The following TMED10 variants were observed in gnomAD, a reference collection of about 807,000 sequenced individuals.
TMED10 encodes the protein transmembrane p24 trafficking protein 10, also known as transmembrane emp24 domain-containing protein 10.
In TMED10, 7 loss-of-function variants were observed where a neutral mutation model predicts 23.1. The ratio of observed to expected loss-of-function variants is 0.30; its 90% CI spans 0.17 to 0.57. The LOEUF (loss-of-function observed/expected upper bound fraction) is 0.57. TMED10 is among the 20% of genes least tolerant of loss of function. The pLI, the probability that TMED10 is intolerant of heterozygous loss-of-function variation, is 0.91. For missense variants in TMED10, 162 were observed against 274.8 expected, an observed-to-expected ratio of 0.59 and a Z score of 2.90; for synonymous variants, 113 against 106.9, an observed-to-expected ratio of 1.06 and a Z score of -0.35.
In TMED10 at chr14:75,147,185, G is replaced by GTTTTTTTTTTTTTTTTTTT. The variant is rs71119349; in HGVS notation, c.411+460_411+478dup. On this transcript the variant is annotated intron_variant, in intron 3 of 4. Coordinates refer to ENST00000303575, the MANE Select transcript of TMED10 (RefSeq NM_006827.6). ...ACAGCCAGAATTATTCTTCAAGGCT[G>GTTTTTTTTTTTTTTTTTTT]TTTTTTTTTTTTTTTTTTTTTGAGA... Among the ~76,000 whole-genome samples the GTTTTTTTTTTTTTTTTTTT allele has an allele frequency of 2.9e-4, 34 of 116,604 alleles. 4 individuals are homozygous for GTTTTTTTTTTTTTTTTTTT. The highest frequency in any genetic ancestry group is 1.2e-3 in the African/African-American group (32 of 26,280). 76.5% of individuals were successfully genotyped at this position (116,604 alleles called of 152,430 possible).
At chr14:75,175,056 A>AG (rs1202170932) in intron 1 of TMED10, among the ~76,000 whole-genome samples, 194 of 151,708 alleles carry the variant, frequency 1.3e-3, no homozygotes, top group African/African-American at 4.4e-3. Context: ...AAAAAAAAAA[A>AG]AAAAAAAAGT....
intron 1 of TMED10, among the ~76,000 whole-genome samples, chr14:75,175,039 C>CAAAAAAAAAAAAAAAAAAAA (rs57423430): frequency 2.3e-5 from 2 of 87,086 alleles, no homozygotes; most frequent in Non-Finnish European, 4.7e-5. Context: ...GACTCCGTCT[C>CAAAAAAAAAAAAAAAAAAAA]AAAAAAAAAA....
intron 1 of TMED10, 104 bp downstream of exon 1, chr14:75,176,251 G>A (rs953739613): frequency 2.1e-5 from 30 of 1,437,484 alleles, no homozygotes; most frequent in Non-Finnish European, 2.8e-5. Flanking sequence ...CGGGAGGCCA[G>A]AACAACTCCC....
intron 1 of TMED10, among the ~76,000 whole-genome samples, chr14:75,159,745 A>G (rs1338085865): frequency 6.6e-6 from 1 of 152,232 alleles, no homozygotes; most frequent in Non-Finnish European, 1.5e-5. Context: ...CTTCAGGAAA[A>G]TCACATCTCC....
At chr14:75,163,998 G>T (rs1046148403) in intron 1 of TMED10, among the ~76,000 whole-genome samples, 21 of 151,988 alleles carry the variant, frequency 1.4e-4, no homozygotes, top group African/African-American at 5.1e-4. Flanking sequence ...TTCAATAGGT[G>T]TTATATTATT....
intron 3 of TMED10, among the ~76,000 whole-genome samples, chr14:75,137,671 T>A (rs1326210268): frequency 7.4e-5 from 10 of 134,402 alleles, no homozygotes; most frequent in Non-Finnish European, 1.1e-4. Context: ...CGAGACTCCA[T>A]CTCAAAAAAA....
At chr14:75,145,693 A>G (rs935241606) in intron 3 of TMED10, among the ~76,000 whole-genome samples, 3 of 152,186 alleles carry the variant, frequency 2.0e-5, no homozygotes, top group African/African-American at 7.2e-5. Flanking sequence ...AGGCTGAGGC[A>G]GGAGAATGGC....
intron 1 of TMED10, among the ~76,000 whole-genome samples, chr14:75,154,156 C>T (rs1895990541): frequency 1.3e-5 from 2 of 148,630 alleles, no homozygotes; most frequent in African/African-American, 4.9e-5. Flanking sequence ...CTTTGGGAGG[C>T]CGAGGCAGGT....
Position 75,152,094 on chromosome 14 carries a change from T to C in TMED10, c.275A>G (p.Lys92Arg). Residue 92 changes from lysine (K) to arginine (R), a missense_variant, in exon 2 of 5, where the codon AAG (lysine) becomes AGG (arginine). Lys to Arg is a conservative substitution (Grantham distance 26). Around this residue, in one of 2 missense-constraint regions of TMED10, gnomAD observed 126 missense variants for 239.5 expected, o/e 0.53. Coordinates refer to ENST00000303575, the MANE Select transcript of TMED10 (RefSeq NM_006827.6). ...TTCAGTGGTAAAGGCAAATTTCCCC[T>C]TGGTTGCATCCTCTTTGGAGTAGAG... ...HILYSKEDAT[K>R]GKFAFTTEDY... 1 of 1,614,008 alleles carries C rather than the reference T, an allele frequency of 6.2e-7. No individual in the cohort carries two copies. Among genetic ancestry groups the C allele is most frequent in the Non-Finnish European group, 8.5e-7 (1 of 1,179,966 alleles).
Position 75,132,393 on chromosome 14 carries a change from C to CA in TMED10, c.*2491_*2492insT, listed in dbSNP as rs919043153. On this transcript the variant is annotated 3_prime_UTR_variant, in exon 5 of 5. Coordinates refer to ENST00000303575, the MANE Select transcript of TMED10 (RefSeq NM_006827.6). Reference sequence around the variant, plus strand: ...TTGCAGCAAGACTCCGTCCCCCCCCCCCCAAAAAAAAAAAAGTTTAAGGAT... The same window carrying CA: ...TTGCAGCAAGACTCCGTCCCCCCCCCACCCAAAAAAAAAAAAGTTTAAGGAT... 4 of 119,710 alleles carry CA rather than the reference C, an allele frequency of 3.3e-5. No individual in the cohort carries two copies. The highest frequency in any genetic ancestry group is 7.9e-5 in the Admixed American group (1 of 12,602). The allele number at this position is 119,710 out of a possible 1,614,324, so 7.4% of individuals were successfully genotyped here.
In TMED10 at chr14:75,174,609, G is replaced by C. The variant is rs942155200; in HGVS notation, c.225+1746C>G. ...TGATACCCAAACAGAATAATAAAAT[G>C]ATGGGTCACAGATTAATTGCCCTGA... On this transcript the variant is annotated intron_variant, in intron 1 of 4. Coordinates refer to ENST00000303575, the MANE Select transcript of TMED10 (RefSeq NM_006827.6). Among the ~76,000 whole-genome samples, 6 of 152,076 alleles carry C rather than the reference G, an allele frequency of 3.9e-5. 1 individual carries two copies. The highest frequency in any genetic ancestry group is 3.3e-4 in the Admixed American group (5 of 15,262).
chr14:75,154,327 G>A (rs1336153459), intron 1 of TMED10, among the ~76,000 whole-genome samples: 1 of 139,290 alleles, frequency 7.2e-6, no homozygotes, highest in African/African-American at 2.6e-5. Flanking sequence ...GCTTGAACCC[G>A]GGAGGCAGAA....
chr14:75,131,561 T>C lies in TMED10; in HGVS notation c.*3324A>G, dbSNP rs1305950273. 1 of 152,526 alleles carries C rather than the reference T, an allele frequency of 6.6e-6. No homozygotes were observed. Among genetic ancestry groups the C allele is most frequent in the African/African-American group, 2.4e-5 (1 of 41,420 alleles). 9.4% of individuals were successfully genotyped at this position (152,526 alleles called of 1,614,324 possible). On this transcript the variant is annotated 3_prime_UTR_variant, in exon 5 of 5. Coordinates refer to ENST00000303575, the MANE Select transcript of TMED10 (RefSeq NM_006827.6). ...TCTGTATAAATCCCATATGCCTCTT[T>C]CCCAAACAAACCAAGAAATGGCTTT...
At chr14:75,142,226 T>C (rs1895831826) in intron 3 of TMED10, among the ~76,000 whole-genome samples, 1 of 152,204 alleles carries the variant, frequency 6.6e-6, no homozygotes. Context: ...GCAAGCTGCA[T>C]GTAGTTGTTA....
chr14:75,135,866 G>C lies in TMED10; in HGVS notation c.432C>G (p.Leu144=). 6.2e-7 allele frequency: 1 copy of C among 1,613,712 alleles called. No individual in the cohort carries two copies. Among genetic ancestry groups the C allele is most frequent in the African/African-American group, 1.3e-5 (1 of 75,036 alleles). Residue 144 remains leucine (L), a synonymous_variant, in exon 4 of 5, where the codon CTC becomes CTG. Coordinates refer to ENST00000303575, the MANE Select transcript of TMED10 (RefSeq NM_006827.6). ...GTCGCAGCTCTACCTCTAATGGTTT[G>C]AGCTTCTCAACTTTTGCAATCTGGA... is the stretch of plus-strand genomic sequence containing the variant. ...NYEEIAKVEK[L]KPLEVELRRL... is the part of the protein sequence containing the mutation.
intron 3 of TMED10, among the ~76,000 whole-genome samples, chr14:75,145,589 C>G (rs1475542227): frequency 6.6e-6 from 1 of 152,112 alleles, no homozygotes; most frequent in African/African-American, 2.4e-5. Context: ...AGATCGAGAC[C>G]ATCCTGGCTA....
intron 3 of TMED10, 56 bp from the exon 4 acceptor site, chr14:75,135,942 A>G (rs1255178126): frequency 6.3e-7 from 1 of 1,595,804 alleles, no homozygotes; most frequent in Non-Finnish European, 8.5e-7. Context: ...AGTCAAGAAC[A>G]TAAAGAAGGC....
chr14:75,176,236 G>T, intron 1 of TMED10, 119 bp downstream of exon 1: 1 of 1,280,824 alleles, frequency 7.8e-7, no homozygotes, highest in Non-Finnish European at 1.1e-6. Context: ...CGTCCTTTGC[G>T]CTCCCGGGAG....
At chr14:75,148,030 C>G (rs1016291627) in intron 2 of TMED10, 9 of 473,380 alleles carry the variant, frequency 1.9e-5, no homozygotes, top group Non-Finnish European at 3.5e-5. Flanking sequence ...TACAGAGGAA[C>G]AGAACAGAAG....
Sources: gnomAD v4.1 joint callset for allele counts (sites outside exome capture counted in the v4.1 genomes callset) on GRCh38, gnomAD v4.1.1 for gene constraint, gnomAD v4.1.1 regional missense constraint, MANE v1.5 for transcripts, NCBI Gene and HGNC (gene_info 2026-07-23, HGNC 2026-07-21) for gene names.